Variants in CAMK2D observed in about 807,000 individuals in gnomAD.
CAMK2D encodes calcium/calmodulin-dependent protein kinase type II subunit delta.
Under a neutral mutation model 84.0 loss-of-function variants are expected in CAMK2D, and 37 were observed. The observed-to-expected ratio is 0.44, with a 90% CI of 0.34 to 0.58. The LOEUF (loss-of-function observed/expected upper bound fraction) is 0.58. Among genes scored for constraint, CAMK2D ranks in the 20% least tolerant of loss-of-function variants. The pLI, the probability that CAMK2D is intolerant of heterozygous loss-of-function variation, is 0.02. For missense variants in CAMK2D, 448 were observed against 652.5 expected, an observed-to-expected ratio of 0.69 and a Z score of 3.41; for synonymous variants, 202 against 212.5, an observed-to-expected ratio of 0.95 and a Z score of 0.43.
intron 3 of CAMK2D, among the ~76,000 whole-genome samples, chr4:113,637,379 C>T (rs913255316): frequency 1.3e-5 from 2 of 152,072 alleles, no homozygotes; most frequent in Admixed American, 6.6e-5. Context: ...AACATATCCC[C>T]CAATGTTTCA....
At position 113,454,454 on chromosome 4, in the gene CAMK2D, C is replaced by T. The variant is rs1053828292; in HGVS notation, c.*91G>A. ...GCATGAAGAGGAGGAGAGGACGGCC[C>T]AGGGTCACCATCCAGGTGCCTTGAG... On this transcript the variant is annotated 3_prime_UTR_variant, in exon 21 of 21. Coordinates refer to ENST00000511664, the MANE Select transcript of CAMK2D (RefSeq NM_001321571.2). 3.3e-5 allele frequency: 26 copies of T among 776,994 alleles called. 1 individual carries two copies. In the South Asian group the frequency reaches 3.4e-4, roughly 10 times the overall value. The allele number at this position is 776,994 out of a possible 1,614,324, so 48.1% of individuals were successfully genotyped here. A position where few individuals can be genotyped will look rare whatever the true frequency, so the allele number is the denominator to read the frequency against.
At chr4:113,461,503 TG>T (rs1013051351) in intron 17 of CAMK2D, among the ~76,000 whole-genome samples, 9 of 152,012 alleles carry the variant, frequency 5.9e-5, no homozygotes, top group Admixed American at 3.9e-4. Context: ...AGAGTATGCT[TG>T]GGGAATGATG....
At chr4:113,673,851 C>A (rs762266397) in intron 2 of CAMK2D, among the ~76,000 whole-genome samples, 8 of 152,246 alleles carry the variant, frequency 5.3e-5, no homozygotes, top group Non-Finnish European at 1.2e-4. Flanking sequence ...TGAGACTGTT[C>A]TTGTGACTAA....
chr4:113,694,203 T>C (rs2099396388), intron 2 of CAMK2D, among the ~76,000 whole-genome samples: 1 of 151,612 alleles, frequency 6.6e-6, no homozygotes, highest in Non-Finnish European at 1.5e-5. Flanking sequence ...ACTTTAGGAG[T>C]TTCCCTGACC....
At chr4:113,693,585 A>G (rs778588924) in intron 2 of CAMK2D, among the ~76,000 whole-genome samples, 1 of 152,134 alleles carries the variant, frequency 6.6e-6, no homozygotes, top group African/African-American at 2.4e-5. Context: ...ATTGTTTCTC[A>G]TATTCCCTGC....
chr4:113,481,253 C>G (rs1259667175), intron 16 of CAMK2D, among the ~76,000 whole-genome samples: 1 of 152,152 alleles, frequency 6.6e-6, no homozygotes, highest in African/African-American at 2.4e-5. Flanking sequence ...CTTCCTTCCT[C>G]TACCAATTAA....
At chr4:113,605,166 A>G (rs1212571948) in intron 4 of CAMK2D, among the ~76,000 whole-genome samples, 1 of 152,248 alleles carries the variant, frequency 6.6e-6, no homozygotes, top group African/African-American at 2.4e-5. Context: ...GGGAGTCGAC[A>G]GCAGATGAGT....
chr4:113,664,011 T>C (rs1014518677), intron 2 of CAMK2D, among the ~76,000 whole-genome samples: 2 of 152,058 alleles, frequency 1.3e-5, no homozygotes. Flanking sequence ...CTGGTGTCCA[T>C]ATATGAAAAG....
chr4:113,707,415 T>C (rs918755532), intron 2 of CAMK2D, among the ~76,000 whole-genome samples: 2 of 152,316 alleles, frequency 1.3e-5, no homozygotes, highest in South Asian at 2.1e-4. Context: ...GGTTATTATA[T>C]TGGGAATGGT....
chr4:113,562,760 G>T (rs1226582847), intron 4 of CAMK2D, among the ~76,000 whole-genome samples: 1 of 152,136 alleles, frequency 6.6e-6, no homozygotes, highest in Non-Finnish European at 1.5e-5. Flanking sequence ...GCAAGTGTTA[G>T]GCAACTAATT....
intron 2 of CAMK2D, among the ~76,000 whole-genome samples, chr4:113,680,681 G>A (rs150030976): frequency 2.8e-4 from 42 of 152,312 alleles, no homozygotes; most frequent in Middle Eastern, 3.4e-3. Flanking sequence ...AGGACACTGA[G>A]GCACACAGAG....
rs899443766 is a variant in CAMK2D at position 113,754,095 on chromosome 4, T to C, written c.160+5225A>G. 15 of 872,182 alleles carry C rather than the reference T, an allele frequency of 1.7e-5. No homozygotes were observed. In the Admixed American group the frequency reaches 7.5e-4, roughly 43 times the overall value. 54.0% of individuals were successfully genotyped at this position (872,182 alleles called of 1,614,324 possible). ...ATGATCTATAAAGTGATTTGAAATA[T>C]AAAGATATGTTTTACAGTTAAAATA... On this transcript the variant is annotated intron_variant, in intron 2 of 20. Coordinates refer to ENST00000511664, the MANE Select transcript of CAMK2D (RefSeq NM_001321571.2).
Position 113,655,355 on chromosome 4 carries a change from C to T in CAMK2D, c.220+6358G>A, listed in dbSNP as rs114065956. 3.5e-3 allele frequency among the ~76,000 whole-genome samples: 536 copies of T among 152,050 alleles called. 2 individuals are homozygous for T. The highest frequency in any genetic ancestry group is 0.013 in the African/African-American group (521 of 41,494). ...CATTTTGGGGTAGTGGGTAGGAAAG[C>T]CAGTAGAGAGGAGGTAATCATTGAG... On this transcript the variant is annotated intron_variant, in intron 3 of 20. Coordinates refer to ENST00000511664, the MANE Select transcript of CAMK2D (RefSeq NM_001321571.2).
At chr4:113,642,642 C>T (rs2099136816) in intron 3 of CAMK2D, among the ~76,000 whole-genome samples, 1 of 152,234 alleles carries the variant, frequency 6.6e-6, no homozygotes, top group African/African-American at 2.4e-5. Context: ...GGCTTATTTT[C>T]TTTTCCATAA....
chr4:113,619,893 A>G (rs1207691079), intron 3 of CAMK2D, among the ~76,000 whole-genome samples: 1 of 152,158 alleles, frequency 6.6e-6, no homozygotes, highest in East Asian at 1.9e-4. Context: ...TTGCTGAAAG[A>G]GAGAATATAG....
intron 6 of CAMK2D, among the ~76,000 whole-genome samples, chr4:113,542,576 A>G (rs368427885): frequency 3.2e-4 from 49 of 152,106 alleles, no homozygotes; most frequent in South Asian, 2.5e-3. Flanking sequence ...TTAATCGGGC[A>G]TGGTGGCGGG....
chr4:113,504,870 A>G lies in CAMK2D; in HGVS notation c.1044+106T>C, dbSNP rs150620654. 1,299 of 407,200 alleles carry G rather than the reference A, an allele frequency of 3.2e-3. 13 individuals are homozygous for G. The highest frequency in any genetic ancestry group is 0.024 in the African/African-American group (1,165 of 48,050). 25.2% of individuals were successfully genotyped at this position (407,200 alleles called of 1,614,324 possible). A position where few individuals can be genotyped will look rare whatever the true frequency, so the allele number is the denominator to read the frequency against. On this transcript the variant is annotated intron_variant, in intron 14 of 20. Transcript: ENST00000511664. ...AACAAAACCCAACACCCAACGAAAT[A>G]AAATATTTATATATATGTATCTATA...
intron 3 of CAMK2D, among the ~76,000 whole-genome samples, chr4:113,637,996 C>T (rs2099116702): frequency 6.6e-6 from 1 of 152,182 alleles, no homozygotes; most frequent in Admixed American, 6.5e-5. Flanking sequence ...AGCTCTCCAT[C>T]CTCCTTCTCC....
At chr4:113,574,075 C>T (rs943442177) in intron 4 of CAMK2D, among the ~76,000 whole-genome samples, 1 of 152,186 alleles carries the variant, frequency 6.6e-6, no homozygotes, top group African/African-American at 2.4e-5. Context: ...AACTCCTACC[C>T]GTGCACCAAT....
Sources: gnomAD v4.1 joint callset for allele counts (sites outside exome capture counted in the v4.1 genomes callset) on GRCh38, gnomAD v4.1.1 for gene constraint, MANE v1.5 for transcripts, NCBI Gene and HGNC (gene_info 2026-07-23, HGNC 2026-07-21) for gene names.